SCFD2: variants seen among roughly 807,000 people sequenced by gnomAD.
The protein encoded by SCFD2 is sec1 family domain containing 2, also known as sec1 family domain-containing protein 2.
Under a neutral mutation model 58.9 loss-of-function variants are expected in SCFD2, and 54 were observed. The observed-to-expected ratio is 0.92, with a 90% CI of 0.74 to 1.15. The LOEUF is 1.15. Ranked by LOEUF, SCFD2 falls within the 50% of genes most tolerant of loss-of-function variation. SCFD2 has a pLI of 0.00. For synonymous variants in SCFD2, 321 were observed against 335.9 expected (o/e 0.96, Z 0.49); for missense variants, 805 against 836.6 (o/e 0.96, Z 0.47).
At chr4:53,169,700 C>T (rs1174376268) in intron 4 of SCFD2, among the ~76,000 whole-genome samples, 3 of 152,214 alleles carry the variant, frequency 2.0e-5, no homozygotes, top group African/African-American at 7.2e-5. Context: ...TCCTCGCCCA[C>T]ACATCTTTTT....
chr4:53,038,224 G>A (rs1282665680), intron 5 of SCFD2, among the ~76,000 whole-genome samples: 1 of 152,188 alleles, frequency 6.6e-6, no homozygotes, highest in African/African-American at 2.4e-5. Flanking sequence ...TCTAGAAGAA[G>A]TCATGTTTTC....
chr4:53,008,341 C>T (rs1401504426), intron 5 of SCFD2, among the ~76,000 whole-genome samples: 1 of 152,146 alleles, frequency 6.6e-6, no homozygotes, highest in Admixed American at 6.5e-5. Flanking sequence ...CCCCCCTTCC[C>T]CTCTCCCTCC....
intron 3 of SCFD2, among the ~76,000 whole-genome samples, chr4:53,283,030 G>A (rs1242290555): frequency 6.6e-6 from 1 of 152,144 alleles, no homozygotes; most frequent in East Asian, 1.9e-4. Context: ...GGATAGTGAG[G>A]AGTATAACCT....
At chr4:53,252,417 G>GC (rs1233024521) in intron 4 of SCFD2, among the ~76,000 whole-genome samples, 1 of 151,510 alleles carries the variant, frequency 6.6e-6, no homozygotes, top group African/African-American at 2.4e-5. Flanking sequence ...AAAAGAGCCC[G>GC]CATCGCCAAG....
At chr4:52,975,863 G>A (rs774313687) in intron 5 of SCFD2, among the ~76,000 whole-genome samples, 2 of 152,060 alleles carry the variant, frequency 1.3e-5, no homozygotes, top group Non-Finnish European at 2.9e-5. Context: ...ATGAGTTCAC[G>A]TTCTTTGTAG....
chr4:53,060,702 C>T (rs1447591236), intron 5 of SCFD2, among the ~76,000 whole-genome samples: 1 of 151,784 alleles, frequency 6.6e-6, no homozygotes, highest in Non-Finnish European at 1.5e-5. Flanking sequence ...GCCACTCATT[C>T]TATATATATG....
At chr4:53,100,821 T>C (rs1240363145) in intron 5 of SCFD2, among the ~76,000 whole-genome samples, 2 of 152,190 alleles carry the variant, frequency 1.3e-5, no homozygotes, top group East Asian at 3.8e-4. Flanking sequence ...ATGTAGGATA[T>C]AACCAACGTT....
At chr4:53,189,461 G>A (rs1190086381) in intron 4 of SCFD2, among the ~76,000 whole-genome samples, 1 of 152,148 alleles carries the variant, frequency 6.6e-6, no homozygotes, top group African/African-American at 2.4e-5. Context: ...AAAATATCAT[G>A]GACTGGGTAG....
intron 5 of SCFD2, among the ~76,000 whole-genome samples, chr4:52,938,521 C>T (rs1047548427): frequency 6.6e-6 from 1 of 152,102 alleles, no homozygotes; most frequent in Non-Finnish European, 1.5e-5. Flanking sequence ...AGAAACTGCA[C>T]TTTTATTACC....
At chr4:53,026,365 G>C (rs562687525) in intron 5 of SCFD2, among the ~76,000 whole-genome samples, 7 of 152,286 alleles carry the variant, frequency 4.6e-5, no homozygotes, top group African/African-American at 1.7e-4. Flanking sequence ...CTGTGCTTCC[G>C]ACGCCTAGCA....
intron 5 of SCFD2, among the ~76,000 whole-genome samples, chr4:52,933,060 G>A (rs1287789323): frequency 6.6e-6 from 1 of 152,142 alleles, no homozygotes; most frequent in Non-Finnish European, 1.5e-5. Flanking sequence ...GGCCTTGAAG[G>A]TGGATTCCAA....
At chr4:52,885,609 G>A in intron 8 of SCFD2, 138 bp downstream of exon 8, 1 of 944,626 alleles carries the variant, frequency 1.1e-6, no homozygotes, top group Non-Finnish European at 1.6e-6. Flanking sequence ...GCGGTAGCAG[G>A]AGGGAGGGAA....
intron 5 of SCFD2, chr4:52,957,356 C>T (rs1039638000): frequency 1.3e-5 from 2 of 152,126 alleles, no homozygotes; most frequent in African/African-American, 4.8e-5. Context: ...GAACTGTCAC[C>T]ATCTGCCACT....
chr4:53,002,266 T>C (rs770008543), intron 5 of SCFD2, among the ~76,000 whole-genome samples: 1 of 152,088 alleles, frequency 6.6e-6, no homozygotes, highest in Non-Finnish European at 1.5e-5. Flanking sequence ...AGGATTTTAG[T>C]GGTAAGTAGC....
intron 5 of SCFD2, among the ~76,000 whole-genome samples, chr4:52,975,703 G>A (rs1212209143): frequency 6.6e-6 from 1 of 152,088 alleles, no homozygotes; most frequent in Non-Finnish European, 1.5e-5. Flanking sequence ...AAATCATGCT[G>A]CTATAAAGAC....
chr4:52,993,332 C>G (rs200078147), intron 5 of SCFD2, among the ~76,000 whole-genome samples: 4 of 151,962 alleles, frequency 2.6e-5, no homozygotes, highest in Admixed American at 2.6e-4. Flanking sequence ...CTTCCCTCCA[C>G]TATTGTCCTG....
chr4:53,027,236 G>C (rs1205476447), intron 5 of SCFD2, among the ~76,000 whole-genome samples: 1 of 151,512 alleles, frequency 6.6e-6, no homozygotes, highest in Admixed American at 6.6e-5. Context: ...GGTCTGCTCA[G>C]TTACCCAGCC....
At chr4:53,081,943 G>A (rs1267147298) in intron 5 of SCFD2, among the ~76,000 whole-genome samples, 1 of 152,024 alleles carries the variant, frequency 6.6e-6, no homozygotes, top group African/African-American at 2.4e-5. Context: ...TCATATAAAT[G>A]GAATCATACA....
intron 3 of SCFD2, among the ~76,000 whole-genome samples, chr4:53,288,869 G>A: frequency 6.6e-6 from 1 of 152,288 alleles, no homozygotes; most frequent in Middle Eastern, 3.4e-3. Flanking sequence ...TACTATAATG[G>A]TGGTGTGTAA....
Sources: allele counts gnomAD v4.1 joint callset (sites outside exome capture counted in the v4.1 genomes callset), GRCh38; gene constraint gnomAD v4.1.1; transcripts MANE v1.5; gene names NCBI Gene and HGNC (gene_info 2026-07-23, HGNC 2026-07-21).